The following H3C6 variants were observed in gnomAD, a reference collection of about 807,000 sequenced individuals.
H3C6 encodes H3 clustered histone 6, also known as histone H3.1.
A neutral mutation model predicts 8.0 loss-of-function variants in H3C6; 17 were observed. The ratio of observed to expected loss-of-function variants is 2.13; its 90% CI spans 1.46 to 3.19. The LOEUF (loss-of-function observed/expected upper bound fraction) is 3.19. H3C6 is among the 30% of genes most tolerant of loss of function. The probability of loss-of-function intolerance (pLI) is 0.00; values close to 1 mark genes in which losing one functional copy is unlikely to be tolerated. For missense variants in H3C6, 298 were observed against 193.8 expected, an observed-to-expected ratio of 1.54 and a Z score of -3.19; for synonymous variants, 169 against 78.0, an observed-to-expected ratio of 2.17 and a Z score of -6.15.
Position 26,225,419 on chromosome 6 carries a change from G to A in H3C6, c.265G>A (p.Ala89Thr), listed in dbSNP as rs746543899. The A allele has an allele frequency of 6.2e-7, 1 of 1,614,238 alleles. No individual in the cohort carries two copies. Among genetic ancestry groups the A allele is most frequent in the South Asian group, 1.1e-5 (1 of 91,084 alleles). The change falls in exon 1 of 1, where the codon GCG becomes ACG. Residue 89 changes from alanine (A) to threonine (T), a missense_variant. Coordinates refer to ENST00000614911, the MANE Select transcript of H3C6 (RefSeq NM_003532.3). ...FKTDLRFQSS[A>T]VMALQEACEA... Reference sequence around the variant, plus strand: ...GACCGACCTGCGCTTCCAGAGTTCCGCGGTGATGGCGCTGCAGGAGGCCTG... The same window carrying A: ...GACCGACCTGCGCTTCCAGAGTTCCACGGTGATGGCGCTGCAGGAGGCCTG...
Position 26,225,197 on chromosome 6 carries a change from A to G in H3C6, c.43A>G (p.Lys15Glu). Residue 15 changes from lysine to glutamate, a missense_variant, in exon 1 of 1, where the codon AAA becomes GAA. Physicochemically the swap from Lys to Glu is moderately conservative, Grantham distance 56 (BLOSUM62 1). Coordinates refer to ENST00000614911, the MANE Select transcript of H3C6 (RefSeq NM_003532.3). Reference protein sequence around the residue: ...KQTARKSTGGKAPRKQLATKA... With the variant: ...KQTARKSTGGEAPRKQLATKA... ...GACGGCTCGTAAATCCACAGGCGGT[A>G]AAGCACCGCGCAAACAGCTGGCCAC... The G allele has an allele frequency of 6.3e-7, 1 of 1,597,668 alleles. No homozygotes were observed. Among genetic ancestry groups the G allele is most frequent in the East Asian group, 2.2e-5 (1 of 44,794 alleles).
chr6:26,225,008 A>G, upstream of H3C6: 1 of 868,204 alleles, frequency 1.2e-6, no homozygotes, highest in Non-Finnish European at 1.7e-6. Flanking sequence ...CACTGAAAAA[A>G]TAAACCAATC....
In H3C6 at chr6:26,225,500, A is replaced by T; in HGVS notation, c.346A>T (p.Lys116Ter). The part of the protein sequence containing the change: ...EDTNLCAIHA[K>*]RVTIMPKDIQ... Reference sequence around the variant, plus strand: ...CACCAACCTGTGCGCTATTCATGCCAAACGCGTGACCATCATGCCTAAAGA... The same window carrying T: ...CACCAACCTGTGCGCTATTCATGCCTAACGCGTGACCATCATGCCTAAAGA... The change falls in exon 1 of 1, where the codon AAA becomes TAA. Residue 116 changes from lysine (K) to a stop codon, truncating the protein, a stop_gained. Coordinates refer to ENST00000614911, the MANE Select transcript of H3C6 (RefSeq NM_003532.3). LOFTEE classifies it high-confidence loss of function. 2 of 1,614,238 alleles carry T rather than the reference A, an allele frequency of 1.2e-6. No homozygotes were observed. Among genetic ancestry groups the T allele is most frequent in the Non-Finnish European group, 1.7e-6 (2 of 1,180,034 alleles).
upstream of H3C6, chr6:26,225,124 C>G: frequency 6.6e-7 from 1 of 1,523,562 alleles, no homozygotes; most frequent in Non-Finnish European, 8.8e-7. Flanking sequence ...GCAAACCAAT[C>G]TTCCTAACTC....
chr6:26,225,573 T>G lies in H3C6; in HGVS notation c.*8T>G, dbSNP rs771180198. On this transcript the variant is annotated 3_prime_UTR_variant, in exon 1 of 1. Coordinates refer to ENST00000614911, the MANE Select transcript of H3C6 (RefSeq NM_003532.3). ...CGTGGGGAGAGGGCGTGAATTGTTT[T>G]GAGTACAAACCTTAAATCCAAAGGC... The G allele has an allele frequency of 8.1e-6, 13 of 1,610,278 alleles. No homozygotes were observed. Among genetic ancestry groups the G allele is most frequent in the Non-Finnish European group, 1.0e-5 (12 of 1,178,086 alleles).
In H3C6 at chr6:26,225,486, GC is replaced by G. The variant is rs1561992958; in HGVS notation, c.333del (p.Cys111TrpfsTer8). On this transcript the variant is annotated frameshift_variant, in exon 1 of 1. Coordinates refer to ENST00000614911, the MANE Select transcript of H3C6 (RefSeq NM_003532.3). LOFTEE classifies it high-confidence loss of function. ...GGGCTTTTCGAGGACACCAACCTGT[GC>G]GCTATTCATGCCAAACGCGTGACCA... Reference protein sequence around the residue: ...LVGLFEDTNLCAIHAKRVTIM... With the variant: ...LVGLFEDTNLXAIHAKRVTIM... 3.1e-6 allele frequency: 5 copies of G among 1,614,234 alleles called. No homozygotes were observed. Among genetic ancestry groups the G allele is most frequent in the Non-Finnish European group, 4.2e-6 (5 of 1,180,038 alleles).
At chr6:26,224,570 C>T (rs1765588064), upstream of H3C6, among the ~76,000 whole-genome samples, 1 of 152,134 alleles carries the variant, frequency 6.6e-6, no homozygotes. Flanking sequence ...CCCGATATTA[C>T]AGAGGTAGGG....
rs755307704 is a variant in H3C6 at position 26,225,462 on chromosome 6, G to A, written c.308G>A (p.Gly103Glu). The change falls in exon 1 of 1, where the codon GGG (glycine) becomes GAG (glutamate). Residue 103 changes from glycine to glutamate, a missense_variant. Gly to Glu is a moderately conservative substitution (Grantham distance 98). Coordinates refer to ENST00000614911, the MANE Select transcript of H3C6 (RefSeq NM_003532.3). Reference sequence around the variant, plus strand: ...GAGGCCTGCGAGGCCTACTTGGTGGGGCTTTTCGAGGACACCAACCTGTGC... The same window carrying A: ...GAGGCCTGCGAGGCCTACTTGGTGGAGCTTTTCGAGGACACCAACCTGTGC... ...LQEACEAYLV[G>E]LFEDTNLCAI... is the part of the protein sequence containing the mutation. The A allele has an allele frequency of 2.0e-5, 32 of 1,614,136 alleles. No individual in the cohort carries two copies. Among genetic ancestry groups the A allele is most frequent in the Non-Finnish European group, 4.2e-6 (5 of 1,180,060 alleles).
upstream of H3C6, chr6:26,224,390 A>T (rs1411356654): frequency 6.6e-6 from 1 of 152,200 alleles, no homozygotes; most frequent in Non-Finnish European, 1.5e-5. Context: ...GGATCCGGAG[A>T]AACTGCGCCA....
upstream of H3C6, chr6:26,225,082 C>T (rs1273852105): frequency 5.5e-6 from 8 of 1,461,328 alleles, no homozygotes; most frequent in Non-Finnish European, 7.3e-6. Context: ...GTCCACAATC[C>T]AATCAGAGTG....
chr6:26,226,823 G>A (rs944495392), downstream of H3C6: 5 of 152,190 alleles, frequency 3.3e-5, no homozygotes, highest in Non-Finnish European at 7.3e-5. Flanking sequence ...TACTATATGG[G>A]ATACTGCATG....
chr6:26,225,340 A>T lies in H3C6; in HGVS notation c.186A>T (p.Leu62=). The T allele has an allele frequency of 6.2e-7, 1 of 1,614,248 alleles. No individual in the cohort carries two copies. Among genetic ancestry groups the T allele is most frequent in the Non-Finnish European group, 8.5e-7 (1 of 1,180,036 alleles). ...IRRYQKSTEL[L]IRKLPFQRLV... ...GCTACCAGAAGTCTACCGAGCTTCT[A>T]ATCCGGAAGCTGCCGTTTCAGCGCC... Residue 62 remains leucine, a synonymous_variant, in exon 1 of 1, where the codon CTA becomes CTT. Transcript: ENST00000614911.
upstream of H3C6, chr6:26,224,211 G>T: frequency 6.6e-6 from 1 of 152,212 alleles, no homozygotes. Flanking sequence ...CATTCTTTAA[G>T]AATCTTTTCC....
upstream of H3C6, chr6:26,224,914 G>A (rs369771728): frequency 1.8e-5 from 7 of 397,618 alleles, no homozygotes; most frequent in African/African-American, 1.5e-4. Context: ...CATGGTCTAC[G>A]TGAAACATCA....
chr6:26,225,280 C>T lies in H3C6; in HGVS notation c.126C>T (p.Tyr42=), dbSNP rs771383069. ...GCGGCGTGAAGAAGCCCCATCGCTA[C>T]CGCCCTGGCACCGTGGCTCTGCGCG... ...ATGGVKKPHR[Y]RPGTVALREI... Residue 42 remains tyrosine, a synonymous_variant, in exon 1 of 1, where the codon TAC becomes TAT. Transcript: ENST00000614911. 1.2e-6 allele frequency: 2 copies of T among 1,614,184 alleles called. No individual in the cohort carries two copies. The highest frequency in any genetic ancestry group is 1.7e-6 in the Non-Finnish European group (2 of 1,180,010).
upstream of H3C6, chr6:26,224,813 G>C (rs1765592170): frequency 6.0e-6 from 1 of 166,552 alleles, no homozygotes; most frequent in African/African-American, 2.4e-5. Context: ...AAATTCTAAA[G>C]CACTTTCTAA....
At position 26,225,287 on chromosome 6, in the gene H3C6, G is replaced by A. The variant is rs1024632519; in HGVS notation, c.133G>A (p.Gly45Ser). 1 of 1,614,208 alleles carries A rather than the reference G, an allele frequency of 6.2e-7. No homozygotes were observed. Among genetic ancestry groups the A allele is most frequent in the Non-Finnish European group, 8.5e-7 (1 of 1,180,026 alleles). ...GVKKPHRYRP[G>S]TVALREIRRY... Reference sequence around the variant, plus strand: ...GAAGAAGCCCCATCGCTACCGCCCTGGCACCGTGGCTCTGCGCGAGATCCG... The same window carrying A: ...GAAGAAGCCCCATCGCTACCGCCCTAGCACCGTGGCTCTGCGCGAGATCCG... The change falls in exon 1 of 1, where the codon GGC (glycine) becomes AGC (serine). Residue 45 changes from glycine to serine, a missense_variant. By Grantham distance (56) the Gly-to-Ser change is moderately conservative. Transcript: ENST00000614911.
downstream of H3C6, chr6:26,226,265 A>G (rs990798376): frequency 6.6e-6 from 1 of 152,256 alleles, no homozygotes; most frequent in African/African-American, 2.4e-5. Context: ...GAAGGTGCAG[A>G]TGGGTGTGTC....
In H3C6 at chr6:26,225,189, C is replaced by T. The variant is rs1242586237; in HGVS notation, c.35C>T (p.Thr12Ile). 2 of 1,584,718 alleles carry T rather than the reference C, an allele frequency of 1.3e-6. No homozygotes were observed. The highest frequency in any genetic ancestry group is 1.9e-5 in the Admixed American group (1 of 53,714). ...ACTAAGCAGACGGCTCGTAAATCCA[C>T]AGGCGGTAAAGCACCGCGCAAACAG... ...ARTKQTARKS[T>I]GGKAPRKQLA... Residue 12 changes from threonine to isoleucine, a missense_variant, in exon 1 of 1, where the codon ACA becomes ATA. Transcript: ENST00000614911.
Sources: gnomAD v4.1 joint callset for allele counts (sites outside exome capture counted in the v4.1 genomes callset) on GRCh38, gnomAD v4.1.1 for gene constraint, MANE v1.5 for transcripts, NCBI Gene and HGNC (gene_info 2026-07-23, HGNC 2026-07-21) for gene names.